Variants in MRPS27 observed in about 807,000 individuals in gnomAD.
MRPS27 encodes the protein small ribosomal subunit protein mS27.
MRPS27 carries 43 observed loss-of-function variants against 48.9 expected under a neutral mutation model. The ratio of observed to expected loss-of-function variants is 0.88; its 90% CI spans 0.69 to 1.13. The LOEUF (loss-of-function observed/expected upper bound fraction) is 1.13. Ranked by LOEUF, MRPS27 falls within the 50% of genes most tolerant of loss-of-function variation. The pLI is 0.00. For missense variants in MRPS27, 467 were observed against 476.3 expected (o/e 0.98, Z 0.18); for synonymous variants, 188 against 171.9 (o/e 1.09, Z -0.73).
intron 2 of MRPS27, among the ~76,000 whole-genome samples, chr5:72,301,506 A>C (rs1035444664): frequency 6.6e-6 from 1 of 152,230 alleles, no homozygotes; most frequent in Non-Finnish European, 1.5e-5. Flanking sequence ...CAAGATCAGG[A>C]TCTATGGCCT....
At chr5:72,223,541 A>G (rs1747809326) in intron 10 of MRPS27, 142 bp downstream of exon 10, 2 of 1,034,382 alleles carry the variant, frequency 1.9e-6, no homozygotes, top group Admixed American at 2.5e-5. Flanking sequence ...TTCCTGTGCA[A>G]AGCAATAAAA....
intron 4 of MRPS27, among the ~76,000 whole-genome samples, chr5:72,254,838 T>C (rs1405557700): frequency 6.6e-6 from 1 of 152,090 alleles, no homozygotes; most frequent in Non-Finnish European, 1.5e-5. Context: ...AGAATTCAGG[T>C]CATTCAAGAA....
chr5:72,263,440 T>A (rs2112005569), intron 4 of MRPS27, among the ~76,000 whole-genome samples: 1 of 150,588 alleles, frequency 6.6e-6, no homozygotes, highest in Non-Finnish European at 1.5e-5. Flanking sequence ...TTCATCAAAA[T>A]TAAAAACTTT....
At chr5:72,255,781 A>G (rs1003529525) in intron 4 of MRPS27, among the ~76,000 whole-genome samples, 1 of 152,218 alleles carries the variant, frequency 6.6e-6, no homozygotes, top group Non-Finnish European at 1.5e-5. Context: ...GCCAAAATTC[A>G]AACCCAGACA....
At chr5:72,254,235 C>T (rs539561030) in intron 4 of MRPS27, among the ~76,000 whole-genome samples, 2 of 152,306 alleles carry the variant, frequency 1.3e-5, no homozygotes, top group South Asian at 4.1e-4. Context: ...GAATACCTAA[C>T]CTAAGTTGAA....
At chr5:72,304,573 T>C (rs531953638) in intron 2 of MRPS27, among the ~76,000 whole-genome samples, 2 of 152,370 alleles carry the variant, frequency 1.3e-5, no homozygotes, top group South Asian at 2.1e-4. Context: ...TTATAGATTA[T>C]GTGGGTCACT....
chr5:72,262,728 G>A (rs1011038447), intron 4 of MRPS27, among the ~76,000 whole-genome samples: 3 of 151,808 alleles, frequency 2.0e-5, no homozygotes, highest in African/African-American at 7.3e-5. Flanking sequence ...ACTTCTTCCT[G>A]GAACAAAGTG....
In MRPS27 at chr5:72,220,752, T is replaced by C. The variant is rs1286487609; in HGVS notation, c.*157A>G. On this transcript the variant is annotated 3_prime_UTR_variant, in exon 11 of 11. Coordinates refer to ENST00000261413, the MANE Select transcript of MRPS27 (RefSeq NM_015084.3). Reference sequence around the variant, plus strand: ...TCCATAGCCCTTCTTGGCATCTCGATGGGCAGTCATGGTGCCTTGCCATGT... The same window carrying C: ...TCCATAGCCCTTCTTGGCATCTCGACGGGCAGTCATGGTGCCTTGCCATGT... The C allele has an allele frequency of 2.8e-6, 3 of 1,082,374 alleles. No individual in the cohort carries two copies. The highest frequency in any genetic ancestry group is 3.1e-5 in the South Asian group (2 of 64,420). 67.0% of individuals were successfully genotyped at this position (1,082,374 alleles called of 1,614,324 possible).
chr5:72,268,866 TTA>T (rs1749165075), intron 4 of MRPS27, among the ~76,000 whole-genome samples: 1 of 152,142 alleles, frequency 6.6e-6, no homozygotes, highest in African/African-American at 2.4e-5. Flanking sequence ...CAATTGAACT[TTA>T]GAGAGGTTTA....
At chr5:72,259,365 G>A (rs1334697094) in intron 4 of MRPS27, among the ~76,000 whole-genome samples, 1 of 151,796 alleles carries the variant, frequency 6.6e-6, no homozygotes, top group Non-Finnish European at 1.5e-5. Context: ...CTACTTGGGA[G>A]GCTGAGGTAG....
chr5:72,277,818 C>T (rs1255795974), intron 4 of MRPS27, among the ~76,000 whole-genome samples: 1 of 152,086 alleles, frequency 6.6e-6, no homozygotes, highest in Admixed American at 6.6e-5. Context: ...AAGCCATTAT[C>T]CTCAGCAAAC....
At chr5:72,288,210 CTTTT>C (rs34161754) in intron 4 of MRPS27, among the ~76,000 whole-genome samples, 2 of 141,414 alleles carry the variant, frequency 1.4e-5, no homozygotes, top group Admixed American at 1.4e-4. Flanking sequence ...GGCAAGAATT[CTTTT>C]TTTTTTTTTT....
chr5:72,250,497 G>A lies in MRPS27; in HGVS notation c.282-12369C>T, dbSNP rs562523116. 2.3e-3 allele frequency among the ~76,000 whole-genome samples: 344 copies of A among 152,186 alleles called. 4 individuals are homozygous for A. The highest frequency in any genetic ancestry group is 8.0e-3 in the African/African-American group (333 of 41,508). On this transcript the variant is annotated intron_variant, in intron 4 of 10. Transcript: ENST00000261413. The stretch of plus-strand genomic sequence containing the variant: ...TTATCACAGACATGAGAGAGGACTC[G>A]ATGCCACTTTCACTGTGAAAACTAA...
chr5:72,311,846 T>A (rs1461959972), intron 2 of MRPS27, among the ~76,000 whole-genome samples: 3 of 152,224 alleles, frequency 2.0e-5, no homozygotes, highest in Non-Finnish European at 4.4e-5. Flanking sequence ...TTTAAAATTA[T>A]TTCCCGCTGG....
chr5:72,276,429 G>A (rs1749375267), intron 4 of MRPS27, among the ~76,000 whole-genome samples: 1 of 152,146 alleles, frequency 6.6e-6, no homozygotes, highest in Non-Finnish European at 1.5e-5. Flanking sequence ...ATGGATTAAA[G>A]ATTCAAATGT....
At chr5:72,261,677 T>C (rs1170969421) in intron 4 of MRPS27, among the ~76,000 whole-genome samples, 1 of 152,214 alleles carries the variant, frequency 6.6e-6, no homozygotes, top group Non-Finnish European at 1.5e-5. Flanking sequence ...TATTATGAGA[T>C]AATTGCTGAT....
intron 4 of MRPS27, among the ~76,000 whole-genome samples, chr5:72,270,460 CA>C (rs1405443364): frequency 1.3e-5 from 2 of 151,494 alleles, no homozygotes; most frequent in African/African-American, 4.8e-5. Context: ...AAGAACATGC[CA>C]ACCTCAGTAA....
At chr5:72,317,432 T>C (rs1346556915) in intron 1 of MRPS27, among the ~76,000 whole-genome samples, 3 of 152,198 alleles carry the variant, frequency 2.0e-5, no homozygotes, top group Non-Finnish European at 2.9e-5. Context: ...TGGAGTGCAA[T>C]GGCATGATCT....
chr5:72,296,806 C>T (rs1749994288), intron 3 of MRPS27, among the ~76,000 whole-genome samples: 1 of 151,176 alleles, frequency 6.6e-6, no homozygotes, highest in African/African-American at 2.5e-5. Flanking sequence ...TTTTATGGTG[C>T]CATTAATTTC....
Sources: allele counts gnomAD v4.1 joint callset (sites outside exome capture counted in the v4.1 genomes callset), GRCh38; gene constraint gnomAD v4.1.1; transcripts MANE v1.5; gene names NCBI Gene and HGNC (gene_info 2026-07-23, HGNC 2026-07-21).